The following PRTFDC1 variants were observed in gnomAD, a reference collection of about 807,000 sequenced individuals.
PRTFDC1 encodes the protein phosphoribosyl transferase domain containing 1.
Under a neutral mutation model 34.6 loss-of-function variants are expected in PRTFDC1, and 38 were observed. The ratio of observed to expected loss-of-function variants is 1.10; its 90% CI spans 0.85 to 1.44. The LOEUF is 1.44. Ranked by LOEUF, PRTFDC1 falls within the 40% of genes most tolerant of loss-of-function variation. The pLI is 0.00. For synonymous variants in PRTFDC1, 93 were observed against 98.1 expected (o/e 0.95, Z 0.31); for missense variants, 270 against 283.0 (o/e 0.95, Z 0.33).
rs1442449386 is a variant in PRTFDC1, at chr10:24,851,276, G to T, written c.630+112C>A. ...GATGCAATGTGCTCACCATACTCCT[G>T]ACATAGAAGATACTCAATCAATAGC... On this transcript the variant is annotated intron_variant, in intron 8 of 8. Coordinates refer to ENST00000320152, the MANE Select transcript of PRTFDC1 (RefSeq NM_020200.7). 16 of 1,438,188 alleles carry T rather than the reference G, an allele frequency of 1.1e-5. No individual in the cohort carries two copies. In the Admixed American group the frequency reaches 4.2e-4, roughly 37 times the overall value. The allele number at this position is 1,438,188 out of a possible 1,614,324, so 89.1% of individuals were successfully genotyped here.
At chr10:24,893,313 G>A (rs1237054453) in intron 3 of PRTFDC1, among the ~76,000 whole-genome samples, 1 of 151,710 alleles carries the variant, frequency 6.6e-6, no homozygotes, top group Admixed American at 6.6e-5. Context: ...TCTCTTGGCA[G>A]GGTCTTGTTC....
chr10:24,898,124 G>A (rs1487743860), intron 3 of PRTFDC1, among the ~76,000 whole-genome samples: 3 of 151,858 alleles, frequency 2.0e-5, no homozygotes, highest in East Asian at 1.9e-4. Context: ...AACTCCATTT[G>A]AACTAATTTA....
chr10:24,892,435 C>A (rs769929717), intron 3 of PRTFDC1, among the ~76,000 whole-genome samples: 6 of 151,868 alleles, frequency 4.0e-5, no homozygotes, highest in Non-Finnish European at 7.4e-5. Flanking sequence ...TCATAATAGC[C>A]CTTCTAGCGG....
chr10:24,924,345 T>C (rs1244557996), intron 3 of PRTFDC1, among the ~76,000 whole-genome samples: 1 of 152,000 alleles, frequency 6.6e-6, no homozygotes, highest in East Asian at 1.9e-4. Context: ...CCAAGACACA[T>C]AATTGTCAGA....
chr10:24,855,222 C>T, intron 7 of PRTFDC1, 96 bp downstream of exon 7: 1 of 1,237,678 alleles, frequency 8.1e-7, no homozygotes, highest in Non-Finnish European at 1.2e-6. Flanking sequence ...ACATGCAATG[C>T]TGTCAAATAG....
chr10:24,885,787 A>C (rs1007129410), intron 3 of PRTFDC1, among the ~76,000 whole-genome samples: 1 of 152,240 alleles, frequency 6.6e-6, no homozygotes, highest in Admixed American at 6.5e-5. Flanking sequence ...GCTATGATGC[A>C]TCTATGCAAC....
rs1847589029 is a variant in PRTFDC1, at chr10:24,856,973, GTCC to G, written c.443_445del (p.Arg148del). The G allele has an allele frequency of 6.2e-7, 1 of 1,613,526 alleles. No homozygotes were observed. Among genetic ancestry groups the G allele is most frequent in the South Asian group, 1.1e-5 (1 of 91,078 alleles). ...TATATTGCTGAGTAGTGCTTTCATG[GTCC>G]TCCCAGTTCCGACAACATCCTTTGC... is the stretch of plus-strand genomic sequence containing the variant. On this transcript the variant is annotated inframe_deletion, in exon 6 of 9. Coordinates refer to ENST00000320152, the MANE Select transcript of PRTFDC1 (RefSeq NM_020200.7).
chr10:24,902,185 T>A (rs1588603500), intron 3 of PRTFDC1, among the ~76,000 whole-genome samples: 1 of 151,642 alleles, frequency 6.6e-6, no homozygotes, highest in African/African-American at 2.4e-5. Flanking sequence ...AGGAGGGAGG[T>A]GATTATCCAG....
At position 24,849,133 on chromosome 10, in the gene PRTFDC1, A is replaced by G. The variant is rs1255131621; in HGVS notation, c.*711T>C. On this transcript the variant is annotated 3_prime_UTR_variant, in exon 9 of 9. Coordinates refer to ENST00000320152, the MANE Select transcript of PRTFDC1 (RefSeq NM_020200.7). ...CTTGCTGCTATTGTATTTTTTTCTA[A>G]TTAAAATTCAGAGTATTAAACACAG... The G allele has an allele frequency of 2.0e-5, 3 of 152,460 alleles. No individual in the cohort carries two copies. Among genetic ancestry groups the G allele is most frequent in the African/African-American group, 4.8e-5 (2 of 41,460 alleles). 9.4% of individuals were successfully genotyped at this position (152,460 alleles called of 1,614,324 possible). A position where few individuals can be genotyped will look rare whatever the true frequency, so the allele number is the denominator to read the frequency against.
chr10:24,878,083 G>T (rs1285418112), intron 3 of PRTFDC1, among the ~76,000 whole-genome samples: 1 of 151,894 alleles, frequency 6.6e-6, no homozygotes, highest in Non-Finnish European at 1.5e-5. Flanking sequence ...GACCAGCCTG[G>T]CCAACCTGGT....
In PRTFDC1 at chr10:24,908,228, C is replaced by T. The variant is rs183854973; in HGVS notation, c.339+28956G>A. On this transcript the variant is annotated intron_variant, in intron 3 of 8. Coordinates refer to ENST00000320152, the MANE Select transcript of PRTFDC1 (RefSeq NM_020200.7). ...CACTGCAGCAGATACATTTTTGTTG[C>T]GTTGCGTTGCGTTGAATTGAACATG... is the stretch of plus-strand genomic sequence containing the variant. 1.3e-3 allele frequency: 457 copies of T among 352,874 alleles called. 8 individuals carry two copies. In the Admixed American group the frequency reaches 0.014, roughly 11 times the overall value. 21.9% of individuals were successfully genotyped at this position (352,874 alleles called of 1,614,324 possible).
intron 4 of PRTFDC1, among the ~76,000 whole-genome samples, chr10:24,871,287 C>T (rs545688986): frequency 1.9e-3 from 288 of 152,130 alleles, no homozygotes; most frequent in Non-Finnish European, 3.0e-3. Flanking sequence ...TAGGTCAGTA[C>T]GGCTGAACAA....
intron 3 of PRTFDC1, among the ~76,000 whole-genome samples, chr10:24,893,940 A>G (rs1848305387): frequency 6.6e-6 from 1 of 152,178 alleles, no homozygotes. Context: ...TTGTCACCTC[A>G]TGACGTCTAT....
intron 1 of PRTFDC1, among the ~76,000 whole-genome samples, chr10:24,947,215 AT>A (rs1849264359): frequency 6.6e-6 from 1 of 152,194 alleles, no homozygotes; most frequent in African/African-American, 2.4e-5. Flanking sequence ...ATTGGCCATT[AT>A]TTTCAATTAA....
chr10:24,907,411 A>G (rs942310058), intron 3 of PRTFDC1, among the ~76,000 whole-genome samples: 1 of 151,944 alleles, frequency 6.6e-6, no homozygotes, highest in Non-Finnish European at 1.5e-5. Flanking sequence ...CATGGTCAAC[A>G]TGGTGAAACC....
intron 3 of PRTFDC1, 136 bp from the exon 4 acceptor site, chr10:24,872,199 G>A (rs1588581904): frequency 8.5e-6 from 6 of 705,216 alleles, no homozygotes; most frequent in South Asian, 3.6e-5. Context: ...GGGATTCATG[G>A]TTGCCTATGG....
At position 24,872,020 on chromosome 10, in the gene PRTFDC1, T is replaced by A. The variant is rs147688578; in HGVS notation, c.383A>T (p.Asp128Val). 3.1e-6 allele frequency: 5 copies of A among 1,612,324 alleles called. No individual in the cohort carries two copies. Among genetic ancestry groups the A allele is most frequent in the Non-Finnish European group, 4.2e-6 (5 of 1,178,584 alleles). The change falls in exon 4 of 9, where the codon GAT (aspartate) becomes GTT (valine). Residue 128 changes from aspartate to valine, a missense_variant. Asp to Val is a radical substitution (Grantham distance 152, BLOSUM62 -3). Coordinates refer to ENST00000320152, the MANE Select transcript of PRTFDC1 (RefSeq NM_020200.7). ...AACCTTTCCAGCCAGCGTTGAAAGATCATCGCCTCCGATTATCTGCATCTC... is the reference window on the plus strand; with the variant it reads ...AACCTTTCCAGCCAGCGTTGAAAGAACATCGCCTCCGATTATCTGCATCTC... ...MGEMQIIGGD[D>V]LSTLAGKNVL...
chr10:24,941,475 C>G (rs1313901436), intron 2 of PRTFDC1, among the ~76,000 whole-genome samples: 3 of 151,760 alleles, frequency 2.0e-5, no homozygotes, highest in Non-Finnish European at 4.4e-5. Context: ...TCTGGAGTAG[C>G]CTGGATTACA....
chr10:24,872,202 G>A, intron 3 of PRTFDC1, 139 bp from the exon 4 acceptor site: 1 of 705,630 alleles, frequency 1.4e-6, no homozygotes, highest in Non-Finnish European at 2.4e-6. Flanking sequence ...ATTCATGGTT[G>A]CCTATGGTTA....
Sources: allele counts gnomAD v4.1 joint callset (sites outside exome capture counted in the v4.1 genomes callset), GRCh38; gene constraint gnomAD v4.1.1; transcripts MANE v1.5; gene names NCBI Gene and HGNC (gene_info 2026-07-23, HGNC 2026-07-21).